Variants in NIPA1 observed in about 807,000 individuals in gnomAD.
The protein encoded by NIPA1 is NIPA magnesium transporter 1.
A neutral mutation model predicts 23.9 loss-of-function variants in NIPA1; 13 were observed. The ratio of observed to expected loss-of-function variants is 0.54; its 90% CI spans 0.35 to 0.87. NIPA1 has a LOEUF of 0.87. Ranked by LOEUF, NIPA1 falls within the 40% of genes least tolerant of loss-of-function variation. NIPA1 has a pLI of 0.01. For synonymous variants in NIPA1, 234 were observed against 202.9 expected (o/e 1.15, Z -1.30); for missense variants, 362 against 429.7 (o/e 0.84, Z 1.39).
intron 3 of NIPA1, 114 bp downstream of exon 3, chr15:22,812,367 T>G: frequency 2.5e-6 from 2 of 784,644 alleles, no homozygotes; most frequent in Non-Finnish European, 4.3e-6. Context: ...AGATAGATCT[T>G]CAGGCCGGGC....
intron 3 of NIPA1, among the ~76,000 whole-genome samples, chr15:22,816,701 G>A (rs1267836191): frequency 1.3e-5 from 2 of 149,352 alleles, no homozygotes; most frequent in Non-Finnish European, 3.0e-5. Context: ...ATGTTGGCTA[G>A]GCTAGTCTTG....
chr15:22,817,358 G>T (rs1310709633), intron 3 of NIPA1, among the ~76,000 whole-genome samples: 1 of 150,940 alleles, frequency 6.6e-6, no homozygotes, highest in Non-Finnish European at 1.5e-5. Flanking sequence ...AATTAGCCAA[G>T]CATGGTGGCG....
chr15:22,819,541 C>G (rs1895493695), intron 3 of NIPA1: 1 of 152,108 alleles, frequency 6.6e-6, no homozygotes, highest in Non-Finnish European at 1.5e-5. Flanking sequence ...AATAATGTGA[C>G]CAGTTTTTAA....
chr15:22,792,444 C>T (rs1356677096), intron 1 of NIPA1, among the ~76,000 whole-genome samples: 4 of 152,008 alleles, frequency 2.6e-5, no homozygotes, highest in African/African-American at 4.8e-5. Flanking sequence ...CTGCAAGCTC[C>T]GCCTCCCAGG....
intron 1 of NIPA1, among the ~76,000 whole-genome samples, chr15:22,801,501 T>C (rs72699919): frequency 0.29 from 40,260 of 140,740 alleles, 7,119 homozygotes; most frequent in Admixed American, 0.41. Context: ...ACAACACTTC[T>C]AGCGACTTTT....
chr15:22,820,491 G>A lies in NIPA1; in HGVS notation c.478+18G>A, dbSNP rs1895514868. 1 of 1,608,138 alleles carries A rather than the reference G, an allele frequency of 6.2e-7. No individual in the cohort carries two copies. The highest frequency in any genetic ancestry group is 1.7e-5 in the Admixed American group (1 of 60,010). ...CAATCCAGGTAATTCCTTTCTAGCA[G>A]CACTGCCAAGAAAGTTTGCAGTAGG... is the stretch of plus-strand genomic sequence containing the variant. On this transcript the variant is annotated intron_variant, in intron 4 of 4. Transcript: ENST00000337435.
intron 1 of NIPA1, among the ~76,000 whole-genome samples, chr15:22,789,137 G>A (rs913020867): frequency 2.0e-5 from 3 of 151,614 alleles, no homozygotes; most frequent in Non-Finnish European, 2.9e-5. Flanking sequence ...TTACAGGCGC[G>A]TGCCACCATA....
At chr15:22,810,145 G>T (rs1011652755) in intron 1 of NIPA1, among the ~76,000 whole-genome samples, 15 of 152,194 alleles carry the variant, frequency 9.9e-5, no homozygotes, top group Admixed American at 9.8e-4. Flanking sequence ...CAAGAGGCAG[G>T]GGGAGGGAGG....
chr15:22,806,687 G>A (rs894402832), intron 1 of NIPA1, among the ~76,000 whole-genome samples: 4 of 152,152 alleles, frequency 2.6e-5, no homozygotes, highest in African/African-American at 9.7e-5. Context: ...GGGCAGCAAT[G>A]CTTAGGGTGA....
intron 4 of NIPA1, among the ~76,000 whole-genome samples, chr15:22,822,779 A>G (rs984527887): frequency 6.6e-6 from 1 of 151,502 alleles, no homozygotes; most frequent in Non-Finnish European, 1.5e-5. Flanking sequence ...GTGAGCAGAG[A>G]TCGTGCTATT....
At chr15:22,798,242 T>C (rs2140854001) in intron 1 of NIPA1, among the ~76,000 whole-genome samples, 1 of 70,812 alleles carries the variant, frequency 1.4e-5, no homozygotes, top group Non-Finnish European at 2.9e-5. Context: ...AAAAATCTTT[T>C]TTTTTTTTTT....
At position 22,786,672 on chromosome 15, in the gene NIPA1, GCGGCA is replaced by G. The variant is rs1894707804; in HGVS notation, c.17_21del (p.Ala6GlyfsTer15). ...CGCGGGCGGAATGGGGACTGCAGCT[GCGGCA>G]GCGGCGGCGGCGGCGGCGGCGGCGG... is the stretch of plus-strand genomic sequence containing the variant. On this transcript the variant is annotated frameshift_variant, in exon 1 of 5. Coordinates refer to ENST00000337435, the MANE Select transcript of NIPA1 (RefSeq NM_144599.5). LOFTEE classifies it high-confidence loss of function. 9.3e-7 allele frequency: 1 copy of G among 1,075,738 alleles called. No homozygotes were observed. Among genetic ancestry groups the G allele is most frequent in the African/African-American group, 1.9e-5 (1 of 53,994 alleles). 66.6% of individuals were successfully genotyped at this position (1,075,738 alleles called of 1,614,324 possible). A position where few individuals can be genotyped will look rare whatever the true frequency, so the allele number is the denominator to read the frequency against.
At position 22,804,593 on chromosome 15, in the gene NIPA1, C is replaced by T. The variant is rs569599342; in HGVS notation, c.179-6156C>T. On this transcript the variant is annotated intron_variant, in intron 1 of 4. Coordinates refer to ENST00000337435, the MANE Select transcript of NIPA1 (RefSeq NM_144599.5). The stretch of plus-strand genomic sequence containing the variant: ...AGAGCTTCACAGCTTTAGTGTTTAG[C>T]GTTAGGTCCGTAAGCCACGTTGAGT... Among the ~76,000 whole-genome samples the T allele has an allele frequency of 2.0e-4, 31 of 152,168 alleles. 1 individual carries two copies. The highest frequency in any genetic ancestry group is 7.5e-4 in the African/African-American group (31 of 41,504).
intron 1 of NIPA1, 78 bp from the exon 2 acceptor site, chr15:22,810,671 T>G: frequency 1.2e-6 from 1 of 848,004 alleles, no homozygotes; most frequent in East Asian, 2.4e-5. Flanking sequence ...GTCAAAAGTT[T>G]CTCGCTTGTA....
At chr15:22,807,418 G>A (rs1895231815) in intron 1 of NIPA1, among the ~76,000 whole-genome samples, 1 of 151,974 alleles carries the variant, frequency 6.6e-6, no homozygotes, top group Non-Finnish European at 1.5e-5. Flanking sequence ...ACCAAACCAT[G>A]TTCATTACAA....
chr15:22,817,240 C>T (rs1282591486), intron 3 of NIPA1, among the ~76,000 whole-genome samples: 6 of 150,584 alleles, frequency 4.0e-5, no homozygotes, highest in Admixed American at 6.6e-5. Context: ...TGGCTCAGGC[C>T]TGTAATCCCA....
chr15:22,812,229 T>G lies in NIPA1; in HGVS notation c.293T>G (p.Leu98Arg). ...GTCCCCACGGTCCTGGTAACCCCCC[T>G]GGGCGCCCTTGGAGTACCGTTCGGG... is the stretch of plus-strand genomic sequence containing the variant. ...TAVPTVLVTP[L>R]GALGVPFGSI... The change falls in exon 3 of 5, where the codon CTG becomes CGG. Residue 98 changes from leucine to arginine, a missense_variant. By Grantham distance (102) the Leu-to-Arg change is moderately radical (BLOSUM62 -2). Transcript: ENST00000337435. 1 of 1,613,682 alleles carries G rather than the reference T, an allele frequency of 6.2e-7. No homozygotes were observed. Among genetic ancestry groups the G allele is most frequent in the Non-Finnish European group, 8.5e-7 (1 of 1,179,590 alleles).
At chr15:22,796,067 A>G (rs1160786853) in intron 1 of NIPA1, among the ~76,000 whole-genome samples, 1 of 150,782 alleles carries the variant, frequency 6.6e-6, no homozygotes, top group Admixed American at 6.6e-5. Flanking sequence ...GAGTAGCACC[A>G]CCTCTGCATC....
At chr15:22,818,417 C>A (rs940172555) in intron 3 of NIPA1, among the ~76,000 whole-genome samples, 16 of 151,840 alleles carry the variant, frequency 1.1e-4, no homozygotes, top group Admixed American at 5.3e-4. Flanking sequence ...GCCTGGGCAC[C>A]AAGAGGGAAA....
Sources: gnomAD v4.1 joint callset for allele counts (sites outside exome capture counted in the v4.1 genomes callset) on GRCh38, gnomAD v4.1.1 for gene constraint, MANE v1.5 for transcripts, NCBI Gene and HGNC (gene_info 2026-07-23, HGNC 2026-07-21) for gene names.